Variants in PDE6A observed in about 807,000 individuals in gnomAD.
PDE6A encodes rod cGMP-specific 3',5'-cyclic phosphodiesterase subunit alpha.
Under a neutral mutation model 106.3 loss-of-function variants are expected in PDE6A, and 84 were observed. The ratio of observed to expected loss-of-function variants is 0.79; its 90% CI spans 0.66 to 0.95. The LOEUF is 0.95. PDE6A is among the 40% of genes least tolerant of loss of function. The pLI, the probability that PDE6A is intolerant of heterozygous loss-of-function variation, is 0.00. For synonymous variants in PDE6A, 394 were observed against 386.6 expected (o/e 1.02, Z -0.23); for missense variants, 1,052 against 1,084.9 (o/e 0.97, Z 0.43).
chr5:149,917,844 C>T (rs1394042037), intron 5 of PDE6A, among the ~76,000 whole-genome samples: 4 of 152,126 alleles, frequency 2.6e-5, no homozygotes, highest in Non-Finnish European at 5.9e-5. Context: ...GCTCTCTTTC[C>T]CCAAGCAAAG....
At chr5:149,927,479 C>G (rs1753895930) in intron 4 of PDE6A, among the ~76,000 whole-genome samples, 2 of 152,112 alleles carry the variant, frequency 1.3e-5, no homozygotes, top group Admixed American at 6.6e-5. Flanking sequence ...TCTTGCTCAT[C>G]ATAGCTCACT....
At chr5:149,903,147 T>TAAAAA (rs373566897) in intron 8 of PDE6A, among the ~76,000 whole-genome samples, 8 of 90,972 alleles carry the variant, frequency 8.8e-5, no homozygotes, top group South Asian at 4.5e-4. Flanking sequence ...AGACCCTCTC[T>TAAAAA]AAAAAAAAAA....
chr5:149,941,331 G>A (rs997196527), intron 1 of PDE6A, among the ~76,000 whole-genome samples: 2 of 152,150 alleles, frequency 1.3e-5, no homozygotes, highest in African/African-American at 4.8e-5. Context: ...CCTGAGGAAG[G>A]GTGACTTTTT....
intron 3 of PDE6A, chr5:149,932,484 C>T: frequency 7.2e-7 from 1 of 1,383,834 alleles, no homozygotes. Context: ...CTCATTATTT[C>T]CTGCTACAAC....
In PDE6A at chr5:149,907,323, G is replaced by A. The variant is rs1581190641; in HGVS notation, c.1054C>T (p.Gln352Ter). 1.2e-6 allele frequency: 2 copies of A among 1,613,026 alleles called. No homozygotes were observed. Among genetic ancestry groups the A allele is most frequent in the African/African-American group, 2.7e-5 (2 of 74,880 alleles). Residue 352 changes from glutamine to a stop codon, truncating the protein, a stop_gained, in exon 7 of 22, where the codon CAG (glutamine) becomes TAG (stop). Coordinates refer to ENST00000255266, the MANE Select transcript of PDE6A (RefSeq NM_000440.3). LOFTEE classifies it high-confidence loss of function. ...LVSGLPAYVA[Q>*]NGLICNIMNA... ...GTTATATTACTTACCAGGCCATTCT[G>A]GGCAACATAAGCTGGGAGACCGCTT...
At chr5:149,920,347 G>A (rs1037366255) in intron 5 of PDE6A, among the ~76,000 whole-genome samples, 4 of 151,988 alleles carry the variant, frequency 2.6e-5, no homozygotes, top group African/African-American at 9.7e-5. Flanking sequence ...GTGGGAGGCC[G>A]AGGTGGGCGG....
chr5:149,943,004 C>T (rs373019508), intron 1 of PDE6A, among the ~76,000 whole-genome samples: 16 of 151,634 alleles, frequency 1.1e-4, no homozygotes, highest in African/African-American at 3.9e-4. Flanking sequence ...TGCAAAGAGG[C>T]CTTCCTCTTT....
intron 6 of PDE6A, among the ~76,000 whole-genome samples, chr5:149,914,331 T>C (rs543906296): frequency 1.3e-5 from 2 of 152,310 alleles, no homozygotes; most frequent in South Asian, 2.1e-4. Context: ...TGGGGTCTCA[T>C]TGGATTTGGT....
rs79944007 is a variant in PDE6A at position 149,890,632 on chromosome 5, C to T, written c.1729-4258G>A. ...TTATTGTAATGAACTCTCATGAGAT[C>T]TTTAACCATGACCATGTAAAGTCTT... is the stretch of plus-strand genomic sequence containing the variant. On this transcript the variant is annotated intron_variant, in intron 13 of 21. Transcript: ENST00000255266. Among the ~76,000 whole-genome samples, 974 of 152,236 alleles carry T rather than the reference C, an allele frequency of 6.4e-3. 12 individuals carry two copies. Among genetic ancestry groups the T allele is most frequent in the African/African-American group, 0.023 (936 of 41,526 alleles).
chr5:149,910,867 C>CT (rs1753357443), intron 6 of PDE6A, among the ~76,000 whole-genome samples: 1 of 96,688 alleles, frequency 1.0e-5, no homozygotes, highest in Non-Finnish European at 2.1e-5. Flanking sequence ...AAGCCAGTTT[C>CT]TTTTTCCTTT....
At chr5:149,938,497 CA>C (rs1754243154) in intron 1 of PDE6A, among the ~76,000 whole-genome samples, 1 of 152,092 alleles carries the variant, frequency 6.6e-6, no homozygotes, top group South Asian at 2.1e-4. Flanking sequence ...GCACTCTGTC[CA>C]AGACACTGGG....
At chr5:149,896,526 G>A in intron 11 of PDE6A, 24 bp from the exon 12 acceptor site, 1 of 1,614,130 alleles carries the variant, frequency 6.2e-7, no homozygotes, top group African/African-American at 1.3e-5. Flanking sequence ...AGAGTCAGGT[G>A]ATTAGGAAAC....
At chr5:149,895,692 G>T (rs951920753) in intron 12 of PDE6A, among the ~76,000 whole-genome samples, 1 of 152,072 alleles carries the variant, frequency 6.6e-6, no homozygotes, top group African/African-American at 2.4e-5. Flanking sequence ...ACTTGCGTGT[G>T]CATGAGACTC....
chr5:149,919,010 A>G (rs1753631053), intron 5 of PDE6A, among the ~76,000 whole-genome samples: 1 of 152,138 alleles, frequency 6.6e-6, no homozygotes, highest in Admixed American at 6.5e-5. Context: ...TTTCTAGAAC[A>G]CTTATTTCCT....
At chr5:149,876,377 G>C (rs1331905414) in intron 17 of PDE6A, among the ~76,000 whole-genome samples, 3 of 133,628 alleles carry the variant, frequency 2.2e-5, no homozygotes, top group Non-Finnish European at 3.1e-5. Context: ...TTTTTAACCA[G>C]AGTCTCTCTG....
chr5:149,943,253 A>T (rs1754368922), intron 1 of PDE6A, among the ~76,000 whole-genome samples: 1 of 152,200 alleles, frequency 6.6e-6, no homozygotes, highest in South Asian at 2.1e-4. Context: ...CACATTTTTA[A>T]CAAAGCACAT....
intron 20 of PDE6A, among the ~76,000 whole-genome samples, chr5:149,864,002 A>C (rs549519816): frequency 2.6e-4 from 39 of 152,198 alleles, no homozygotes; most frequent in African/African-American, 9.4e-4. Context: ...ACTTCCTCCA[A>C]GAAGCCTCTT....
At chr5:149,875,331 C>T (rs895965238) in intron 17 of PDE6A, among the ~76,000 whole-genome samples, 1 of 152,138 alleles carries the variant, frequency 6.6e-6, no homozygotes, top group South Asian at 2.1e-4. Flanking sequence ...CTGAGAAACG[C>T]TGCATTACAG....
At chr5:149,923,134 T>G (rs1169272377) in intron 4 of PDE6A, among the ~76,000 whole-genome samples, 1 of 152,228 alleles carries the variant, frequency 6.6e-6, no homozygotes, top group East Asian at 1.9e-4. Flanking sequence ...GAACCTCTTC[T>G]GGTTTTGAAG....
Sources: gnomAD v4.1 joint callset for allele counts (sites outside exome capture counted in the v4.1 genomes callset) on GRCh38, gnomAD v4.1.1 for gene constraint, MANE v1.5 for transcripts, NCBI Gene and HGNC (gene_info 2026-07-23, HGNC 2026-07-21) for gene names.